PTPRD: variants seen among roughly 807,000 people sequenced by gnomAD.
PTPRD encodes protein tyrosine phosphatase receptor type D, also known as receptor-type tyrosine-protein phosphatase delta.
A neutral mutation model predicts 214.5 loss-of-function variants in PTPRD; 34 were observed. The ratio of observed to expected loss-of-function variants is 0.16; its 90% CI spans 0.12 to 0.21. The LOEUF (loss-of-function observed/expected upper bound fraction) is 0.21. Ranked by LOEUF, PTPRD falls within the 10% of genes least tolerant of loss-of-function variation. The pLI is 1.00. For synonymous variants in PTPRD, 1,128 were observed against 845.7 expected (o/e 1.33, Z -5.79); for missense variants, 2,545 against 2,398.7 (o/e 1.06, Z -1.27).
chr9:9,814,212 A>G (rs2048027851), intron 5 of PTPRD, among the ~76,000 whole-genome samples: 1 of 152,042 alleles, frequency 6.6e-6, no homozygotes, highest in African/African-American at 2.4e-5. Flanking sequence ...AAAAGTTGAA[A>G]GGTTTTCTTT....
chr9:8,933,351 T>TCTTTTGTTTTG (rs1174176843), intron 11 of PTPRD, among the ~76,000 whole-genome samples: 27 of 146,852 alleles, frequency 1.8e-4, no homozygotes, highest in African/African-American at 6.5e-4. Flanking sequence ...TTTTTTTTTT[T>TCTTTTGTTTTG]TTTTTTTTTT....
At chr9:9,100,241 TACCAGCCTATTTGG>T (rs1190649520) in intron 10 of PTPRD, among the ~76,000 whole-genome samples, 1 of 152,130 alleles carries the variant, frequency 6.6e-6, no homozygotes, top group Non-Finnish European at 1.5e-5. Context: ...TAAATATGCC[TACCAGCCTATTTGG>T]ACACAGCAGT....
At chr9:9,356,690 T>C (rs975234998) in intron 9 of PTPRD, among the ~76,000 whole-genome samples, 3 of 151,316 alleles carry the variant, frequency 2.0e-5, no homozygotes, top group African/African-American at 7.3e-5. Flanking sequence ...AGTTCAAGAG[T>C]CAGAAGACCC....
chr9:9,204,333 AT>A (rs1329607024), intron 9 of PTPRD, among the ~76,000 whole-genome samples: 1 of 152,072 alleles, frequency 6.6e-6, no homozygotes, highest in Non-Finnish European at 1.5e-5. Context: ...AAAGTTACTA[AT>A]TTTTTTCCTT....
chr9:8,680,061 T>A (rs2097522102), intron 12 of PTPRD, among the ~76,000 whole-genome samples: 1 of 152,136 alleles, frequency 6.6e-6, no homozygotes, highest in Non-Finnish European at 1.5e-5. Flanking sequence ...ATAAATCATA[T>A]TTTATATATT....
intron 7 of PTPRD, among the ~76,000 whole-genome samples, chr9:9,625,382 C>T (rs2095388200): frequency 1.3e-5 from 2 of 152,126 alleles, no homozygotes; most frequent in South Asian, 2.1e-4. Flanking sequence ...CTGGCGCATG[C>T]TGTTAGAGTG....
chr9:9,437,525 C>T (rs537725063), intron 8 of PTPRD, among the ~76,000 whole-genome samples: 11 of 152,000 alleles, frequency 7.2e-5, no homozygotes, highest in Non-Finnish European at 1.3e-4. Context: ...ACATTCTTTT[C>T]TCTATTATCT....
chr9:9,775,576 C>T lies in PTPRD; in HGVS notation c.-367-8725G>A, dbSNP rs545140000. Reference sequence around the variant, plus strand: ...ATGCAGCATTCAGAGGCTAGAATTCCTAATTGATCTCCCCACCTTCAATTT... The same window carrying T: ...ATGCAGCATTCAGAGGCTAGAATTCTTAATTGATCTCCCCACCTTCAATTT... On this transcript the variant is annotated intron_variant, in intron 5 of 45. Coordinates refer to ENST00000381196, the MANE Select transcript of PTPRD (RefSeq NM_002839.4). Among the ~76,000 whole-genome samples the T allele has an allele frequency of 2.0e-5, 3 of 152,276 alleles. No individual in the cohort carries two copies. In the South Asian group the frequency reaches 6.2e-4, roughly 32 times the overall value.
intron 2 of PTPRD, among the ~76,000 whole-genome samples, chr9:10,349,931 G>A (rs1450470667): frequency 3.9e-5 from 6 of 152,130 alleles, no homozygotes; most frequent in Admixed American, 3.3e-4. Context: ...AAAGTGCTGG[G>A]ATTACAGGCA....
intron 8 of PTPRD, among the ~76,000 whole-genome samples, chr9:9,449,621 T>C (rs1477743354): frequency 6.6e-6 from 1 of 152,014 alleles, no homozygotes; most frequent in African/African-American, 2.4e-5. Flanking sequence ...ACATATAGTG[T>C]GTAAGCAGGG....
chr9:9,383,806 T>A (rs756088337), intron 9 of PTPRD, among the ~76,000 whole-genome samples: 9 of 152,072 alleles, frequency 5.9e-5, no homozygotes, highest in Non-Finnish European at 1.3e-4. Context: ...AGCAAGGACG[T>A]TCAGCTCACA....
intron 3 of PTPRD, among the ~76,000 whole-genome samples, chr9:10,200,054 G>A (rs535249340): frequency 1.3e-5 from 2 of 152,020 alleles, no homozygotes; most frequent in South Asian, 2.1e-4. Context: ...ATACAGATGT[G>A]TAAAAATTTT....
intron 9 of PTPRD, among the ~76,000 whole-genome samples, chr9:9,261,594 A>G (rs192749109): frequency 2.6e-5 from 4 of 151,794 alleles, no homozygotes; most frequent in African/African-American, 9.6e-5. Context: ...GGCGGTTGGT[A>G]GAAAGCAAAC....
intron 33 of PTPRD, among the ~76,000 whole-genome samples, chr9:8,452,373 G>C (rs1282779123): frequency 6.6e-6 from 1 of 152,190 alleles, no homozygotes; most frequent in East Asian, 1.9e-4. Context: ...GAAAGATGTG[G>C]AAGATGAAGA....
At chr9:10,159,623 AT>A (rs1363548234) in intron 3 of PTPRD, among the ~76,000 whole-genome samples, 2 of 152,214 alleles carry the variant, frequency 1.3e-5, no homozygotes, top group East Asian at 3.9e-4. Context: ...ACATAGAAAA[AT>A]AATTCAGAAA....
chr9:9,666,391 C>T (rs1370643509), intron 7 of PTPRD, among the ~76,000 whole-genome samples: 1 of 151,834 alleles, frequency 6.6e-6, no homozygotes, highest in Admixed American at 6.6e-5. Context: ...ATTTGTATAA[C>T]TTGCAAAATT....
At chr9:9,637,261 A>G (rs1454153128) in intron 7 of PTPRD, among the ~76,000 whole-genome samples, 1 of 152,096 alleles carries the variant, frequency 6.6e-6, no homozygotes, top group Non-Finnish European at 1.5e-5. Context: ...TCTAGCATAA[A>G]CTCAATAGTC....
intron 14 of PTPRD, among the ~76,000 whole-genome samples, chr9:8,601,983 G>A (rs1052613390): frequency 5.9e-5 from 9 of 152,100 alleles, no homozygotes; most frequent in African/African-American, 2.2e-4. Flanking sequence ...GTGACCCAAT[G>A]TAGTGCACTG....
At chr9:10,554,590 C>A (rs1404772521) in intron 2 of PTPRD, among the ~76,000 whole-genome samples, 2 of 152,004 alleles carry the variant, frequency 1.3e-5, no homozygotes, top group African/African-American at 4.8e-5. Flanking sequence ...ATTATTTGAC[C>A]TTTGCTATTA....
Sources: allele counts gnomAD v4.1 joint callset (sites outside exome capture counted in the v4.1 genomes callset), GRCh38; gene constraint gnomAD v4.1.1; transcripts MANE v1.5; gene names NCBI Gene and HGNC (gene_info 2026-07-23, HGNC 2026-07-21).